Variants in SNCAIP observed in about 807,000 individuals in gnomAD.
The protein encoded by SNCAIP is synuclein alpha interacting protein.
In SNCAIP, 43 loss-of-function variants were observed where a neutral mutation model predicts 86.7. The observed-to-expected ratio is 0.50, with a 90% confidence interval of 0.39 to 0.64. The LOEUF (loss-of-function observed/expected upper bound fraction) is 0.64, where lower values mean the gene tolerates loss of function less well. Among genes scored for constraint, SNCAIP ranks in the 30% least tolerant of loss-of-function variants. The pLI is 0.00. For missense variants in SNCAIP, 981 were observed against 1,103.1 expected (o/e 0.89, Z 1.57); for synonymous variants, 417 against 427.2 (o/e 0.98, Z 0.29).
At chr5:122,328,586 T>A (rs1754608752) in intron 1 of SNCAIP, among the ~76,000 whole-genome samples, 1 of 152,230 alleles carries the variant, frequency 6.6e-6, no homozygotes, top group African/African-American at 2.4e-5. Flanking sequence ...GTATCTTTTT[T>A]TTGGATTGTC....
intron 1 of SNCAIP, among the ~76,000 whole-genome samples, chr5:122,322,157 C>T (rs1753074328): frequency 6.6e-6 from 1 of 152,206 alleles, no homozygotes; most frequent in Non-Finnish European, 1.5e-5. Context: ...TTAGAGTCAT[C>T]ACTACTCCCT....
rs1365737591 is a variant in SNCAIP, at chr5:122,379,709, G to A, written c.-46-11380G>A. Among the ~76,000 whole-genome samples, 53 of 151,522 alleles carry A rather than the reference G, an allele frequency of 3.5e-4. 1 individual carries two copies. The East Asian group carries it at 9.0e-3, about 26-fold the overall frequency. On this transcript the variant is annotated intron_variant, in intron 1 of 10. Coordinates refer to ENST00000261368, the MANE Select transcript of SNCAIP (RefSeq NM_005460.4). ...GATAGCTCTCATTATTTTGAAATACGTCCCATCAATACCTAATTTATTGAG... is the reference window on the plus strand; with the variant it reads ...GATAGCTCTCATTATTTTGAAATACATCCCATCAATACCTAATTTATTGAG...
At chr5:122,345,061 C>A (rs896062560) in intron 1 of SNCAIP, among the ~76,000 whole-genome samples, 8 of 152,150 alleles carry the variant, frequency 5.3e-5, no homozygotes, top group Admixed American at 4.6e-4. Flanking sequence ...TGTGTCCCAA[C>A]AAGGTAGAGA....
intron 10 of SNCAIP, among the ~76,000 whole-genome samples, chr5:122,459,439 T>C (rs537912205): frequency 6.6e-6 from 1 of 152,284 alleles, no homozygotes; most frequent in South Asian, 2.1e-4. Flanking sequence ...TATCCAAAAA[T>C]GAAATAGAGG....
At position 122,401,302 on chromosome 5, in the gene SNCAIP, A is replaced by T. The variant is rs369527620; in HGVS notation, c.58-2491A>T. Among the ~76,000 whole-genome samples, 134 of 152,252 alleles carry T rather than the reference A, an allele frequency of 8.8e-4. 1 individual carries two copies. The highest frequency in any genetic ancestry group is 3.0e-3 in the African/African-American group (125 of 41,554). On this transcript the variant is annotated intron_variant, in intron 2 of 10. Coordinates refer to ENST00000261368, the MANE Select transcript of SNCAIP (RefSeq NM_005460.4). ...TTTGCAAATATGAAAACATTTTTAG[A>T]TGTTGGTTTTGTGAGTTATGTGTTC...
intron 1 of SNCAIP, among the ~76,000 whole-genome samples, chr5:122,382,246 T>C (rs1462964731): frequency 1.3e-5 from 2 of 152,244 alleles, no homozygotes; most frequent in East Asian, 3.9e-4. Context: ...CATTTCTTTT[T>C]ATTCTTTTTT....
intron 1 of SNCAIP, among the ~76,000 whole-genome samples, chr5:122,336,130 C>G (rs566289409): frequency 1.3e-5 from 2 of 151,922 alleles, no homozygotes; most frequent in Non-Finnish European, 2.9e-5. Context: ...TTTAAATAAG[C>G]CTATTTTGCA....
intron 10 of SNCAIP, 117 bp from the exon 11 acceptor site, chr5:122,463,374 T>A (rs1469451121): frequency 2.7e-6 from 2 of 729,478 alleles, no homozygotes; most frequent in Non-Finnish European, 5.0e-6. Flanking sequence ...TGAAGTGTTC[T>A]TCAGTGTGGT....
chr5:122,413,052 C>A (rs952649075), intron 3 of SNCAIP, among the ~76,000 whole-genome samples: 10 of 152,164 alleles, frequency 6.6e-5, no homozygotes, highest in African/African-American at 2.4e-4. Flanking sequence ...GGATGGAGCC[C>A]TCATAAATGG....
chr5:122,459,007 A>G (rs910869946), intron 10 of SNCAIP, among the ~76,000 whole-genome samples: 2 of 152,190 alleles, frequency 1.3e-5, no homozygotes, highest in African/African-American at 2.4e-5. Flanking sequence ...GAATAAAAAA[A>G]GGACTGAGCC....
At chr5:122,397,485 A>C (rs924619886) in intron 2 of SNCAIP, among the ~76,000 whole-genome samples, 44 of 152,156 alleles carry the variant, frequency 2.9e-4, no homozygotes, top group African/African-American at 1.1e-3. Context: ...TACCAACCAC[A>C]AACAATGTCT....
chr5:122,351,389 TAGTC>T (rs1272722089), intron 1 of SNCAIP, among the ~76,000 whole-genome samples: 1 of 151,412 alleles, frequency 6.6e-6, no homozygotes, highest in African/African-American at 2.4e-5. Context: ...ATACAAAAAT[TAGTC>T]AGGCATGGTG....
chr5:122,330,226 A>T (rs1275336487), intron 1 of SNCAIP, among the ~76,000 whole-genome samples: 1 of 141,018 alleles, frequency 7.1e-6, no homozygotes, highest in African/African-American at 2.7e-5. Context: ...GGTTCACGCC[A>T]TTGTCCTGCC....
chr5:122,427,940 A>C (rs550933911), intron 5 of SNCAIP, among the ~76,000 whole-genome samples: 2 of 152,344 alleles, frequency 1.3e-5, no homozygotes, highest in East Asian at 3.9e-4. Flanking sequence ...AGTTACATAC[A>C]GAATTTATTC....
intron 8 of SNCAIP, among the ~76,000 whole-genome samples, chr5:122,446,834 C>G (rs1192223286): frequency 6.6e-6 from 1 of 152,146 alleles, no homozygotes; most frequent in Non-Finnish European, 1.5e-5. Flanking sequence ...TCTTGAGTGC[C>G]TTTTCCAACC....
At chr5:122,413,118 G>A (rs1268226375) in intron 3 of SNCAIP, among the ~76,000 whole-genome samples, 1 of 152,180 alleles carries the variant, frequency 6.6e-6, no homozygotes, top group Admixed American at 6.5e-5. Flanking sequence ...TCTGCCATCT[G>A]AAGACAATAC....
At chr5:122,355,299 C>T (rs1760772965) in intron 1 of SNCAIP, among the ~76,000 whole-genome samples, 1 of 152,038 alleles carries the variant, frequency 6.6e-6, no homozygotes, top group Non-Finnish European at 1.5e-5. Context: ...AGGATGACTT[C>T]CCCAAAATAT....
At chr5:122,430,600 C>G (rs568441644) in intron 5 of SNCAIP, among the ~76,000 whole-genome samples, 1 of 152,014 alleles carries the variant, frequency 6.6e-6, no homozygotes, top group Non-Finnish European at 1.5e-5. Context: ...CGAGGAGATA[C>G]GTATCTGGGT....
At chr5:122,377,516 GAGAGAA>G (rs1218224217) in intron 1 of SNCAIP, among the ~76,000 whole-genome samples, 8 of 151,668 alleles carry the variant, frequency 5.3e-5, no homozygotes, top group Middle Eastern at 3.4e-3. Context: ...GAGAGAGAGA[GAGAGAA>G]AGAAAGAAAG....
Sources: gnomAD v4.1 joint callset for allele counts (sites outside exome capture counted in the v4.1 genomes callset) on GRCh38, gnomAD v4.1.1 for gene constraint, MANE v1.5 for transcripts, NCBI Gene and HGNC (gene_info 2026-07-23, HGNC 2026-07-21) for gene names.